The following DLG2 variants were observed in gnomAD, a reference collection of about 807,000 sequenced individuals.
DLG2 encodes the protein disks large homolog 2.
In DLG2, 45 loss-of-function variants were observed where a neutral mutation model predicts 132.5. The ratio of observed to expected loss-of-function variants is 0.34; its 90% CI spans 0.27 to 0.44. DLG2 has a LOEUF of 0.44. Ranked by LOEUF, DLG2 falls within the 20% of genes least tolerant of loss-of-function variation. The probability of loss-of-function intolerance (pLI) is 1.00; values close to 1 mark genes in which losing one functional copy is unlikely to be tolerated. For synonymous variants in DLG2, 424 were observed against 419.6 expected (o/e 1.01, Z -0.13); for missense variants, 1,045 against 1,196.9 (o/e 0.87, Z 1.87).
At chr11:84,255,448 C>T (rs1567083831) in intron 7 of DLG2, among the ~76,000 whole-genome samples, 1 of 152,116 alleles carries the variant, frequency 6.6e-6, no homozygotes, top group Non-Finnish European at 1.5e-5. Context: ...CTCAGCCTCC[C>T]AAGTAGCTGG....
intron 19 of DLG2, among the ~76,000 whole-genome samples, chr11:83,584,750 G>GGGTGAGAATGGAGAAGGGGACAA (rs2097052361): frequency 2.6e-5 from 4 of 152,334 alleles, no homozygotes; most frequent in Admixed American, 6.5e-5. Context: ...TGATGGAGAA[G>GGGTGAGAATGGAGAAGGGGACAA]GGTGAGAATG....
chr11:84,929,258 G>C (rs550351710), intron 6 of DLG2, among the ~76,000 whole-genome samples: 113 of 151,374 alleles, frequency 7.5e-4, no homozygotes, highest in Non-Finnish European at 1.4e-3. Flanking sequence ...AATTTCTCAA[G>C]ACCCCAGTGC....
intron 9 of DLG2, among the ~76,000 whole-genome samples, chr11:84,146,550 A>C (rs2095090871): frequency 2.0e-5 from 3 of 152,176 alleles, no homozygotes. Context: ...TTAGAAAAAT[A>C]ATTAGAAAAA....
intron 6 of DLG2, among the ~76,000 whole-genome samples, chr11:84,689,767 G>A (rs2057802816): frequency 6.6e-6 from 1 of 151,644 alleles, no homozygotes; most frequent in Non-Finnish European, 1.5e-5. Flanking sequence ...TGGTCAATAG[G>A]AAATAGCAGA....
chr11:84,246,091 C>A (rs1249722439), intron 8 of DLG2, among the ~76,000 whole-genome samples: 1 of 152,222 alleles, frequency 6.6e-6, no homozygotes, highest in Non-Finnish European at 1.5e-5. Flanking sequence ...ACTTCTGAAG[C>A]AGAGATGCCC....
intron 4 of DLG2, among the ~76,000 whole-genome samples, chr11:85,195,220 C>T (rs1259943908): frequency 6.6e-6 from 1 of 152,046 alleles, no homozygotes; most frequent in African/African-American, 2.4e-5. Context: ...ATCTAGTTAG[C>T]GGAGGCAAAG....
At chr11:83,914,574 A>C (rs2076607408) in intron 15 of DLG2, among the ~76,000 whole-genome samples, 1 of 152,174 alleles carries the variant, frequency 6.6e-6, no homozygotes, top group African/African-American at 2.4e-5. Context: ...GTATAAACTC[A>C]TTAACCCTCA....
intron 7 of DLG2, among the ~76,000 whole-genome samples, chr11:84,494,909 T>C (rs1459427514): frequency 6.6e-6 from 1 of 152,164 alleles, no homozygotes; most frequent in African/African-American, 2.4e-5. Context: ...TGACTTTGCA[T>C]TGTCCCAAGA....
chr11:83,810,849 C>T (rs1050610943), intron 17 of DLG2, among the ~76,000 whole-genome samples: 4 of 152,030 alleles, frequency 2.6e-5, no homozygotes, highest in African/African-American at 9.7e-5. Context: ...TTTAGATAGC[C>T]TCTGTTCTTG....
At chr11:84,938,904 CAT>C (rs747576808) in intron 6 of DLG2, among the ~76,000 whole-genome samples, 16 of 152,218 alleles carry the variant, frequency 1.1e-4, no homozygotes, top group East Asian at 7.7e-4. Flanking sequence ...TTTGTGTGCA[CAT>C]GTTTGCATTT....
In DLG2 at chr11:84,949,171, C is replaced by T. The variant is rs188384424; in HGVS notation, c.357+162490G>A. On this transcript the variant is annotated intron_variant, in intron 6 of 27. Coordinates refer to ENST00000376104, the MANE Select transcript of DLG2 (RefSeq NM_001142699.3). ...GGAGACATCACACATTGGTAGGATCCGTGATGGCCCACAAGCCACAAAAAC... is the reference window on the plus strand; with the variant it reads ...GGAGACATCACACATTGGTAGGATCTGTGATGGCCCACAAGCCACAAAAAC... 3.6e-4 allele frequency among the ~76,000 whole-genome samples: 55 copies of T among 152,088 alleles called. 1 individual carries two copies. Among genetic ancestry groups the T allele is most frequent in the African/African-American group, 1.3e-3 (54 of 41,472 alleles).
intron 6 of DLG2, among the ~76,000 whole-genome samples, chr11:84,712,579 T>G (rs967350862): frequency 1.3e-5 from 2 of 152,088 alleles, no homozygotes; most frequent in Non-Finnish European, 2.9e-5. Context: ...GATAGGTGAA[T>G]TTCAAAGTGT....
chr11:85,547,966 C>A (rs1264598802), intron 3 of DLG2, among the ~76,000 whole-genome samples: 2 of 152,058 alleles, frequency 1.3e-5, no homozygotes, highest in African/African-American at 4.8e-5. Flanking sequence ...TTATTACCCA[C>A]CTTCTGAAGC....
At chr11:84,765,003 T>A (rs140205145) in intron 6 of DLG2, among the ~76,000 whole-genome samples, 1 of 152,234 alleles carries the variant, frequency 6.6e-6, no homozygotes, top group East Asian at 1.9e-4. Flanking sequence ...TATATTTGCA[T>A]GTCCAATGGC....
chr11:84,109,166 A>G (rs1381665265), intron 9 of DLG2, among the ~76,000 whole-genome samples: 1 of 152,182 alleles, frequency 6.6e-6, no homozygotes, highest in Non-Finnish European at 1.5e-5. Context: ...TATATCAGAT[A>G]CTGTGTTAGA....
chr11:84,653,708 C>T (rs192671312), intron 6 of DLG2, among the ~76,000 whole-genome samples: 2 of 152,268 alleles, frequency 1.3e-5, no homozygotes, highest in East Asian at 3.9e-4. Context: ...TGTTCAAGTC[C>T]TCCTAACTTA....
intron 7 of DLG2, among the ~76,000 whole-genome samples, chr11:84,264,986 C>G (rs1349515227): frequency 6.6e-6 from 1 of 152,044 alleles, no homozygotes; most frequent in Non-Finnish European, 1.5e-5. Flanking sequence ...GATTTTAATA[C>G]TAGTCTAATT....
chr11:85,069,562 T>G (rs1418044108), intron 6 of DLG2, among the ~76,000 whole-genome samples: 1 of 152,150 alleles, frequency 6.6e-6, no homozygotes, highest in Non-Finnish European at 1.5e-5. Context: ...ATGCTCATCA[T>G]CACTGGCCAT....
intron 9 of DLG2, among the ~76,000 whole-genome samples, chr11:84,108,367 A>G (rs1169664980): frequency 6.6e-6 from 1 of 152,152 alleles, no homozygotes; most frequent in Non-Finnish European, 1.5e-5. Flanking sequence ...AGTAAGACAG[A>G]AGGAGATTTA....
Sources: gnomAD v4.1 joint callset for allele counts (sites outside exome capture counted in the v4.1 genomes callset) on GRCh38, gnomAD v4.1.1 for gene constraint, MANE v1.5 for transcripts, NCBI Gene and HGNC (gene_info 2026-07-23, HGNC 2026-07-21) for gene names.